COL23A1: variants seen among roughly 807,000 people sequenced by gnomAD.
COL23A1 encodes collagen alpha-1(XXIII) chain.
A neutral mutation model predicts 99.3 loss-of-function variants in COL23A1; 97 were observed. The observed-to-expected ratio is 0.98, with a 90% CI of 0.83 to 1.16. COL23A1 has a LOEUF of 1.16. COL23A1 is among the 50% of genes most tolerant of loss of function. The pLI is 0.00. For synonymous variants in COL23A1, 320 were observed against 308.2 expected (o/e 1.04, Z -0.40); for missense variants, 762 against 757.4 (o/e 1.01, Z -0.07).
rs1760328017 is a variant in COL23A1 at position 178,336,525 on chromosome 5, G to C, written c.362-29606C>G. Among the ~76,000 whole-genome samples, 3 of 152,234 alleles carry C rather than the reference G, an allele frequency of 2.0e-5. No homozygotes were observed. The South Asian group carries it at 6.2e-4, about 31-fold the overall frequency. On this transcript the variant is annotated intron_variant, in intron 2 of 28. Transcript: ENST00000390654. ...TTGTGTGATTCCATTTATATGAAAA[G>C]TACAGAATACGTCAACCAGAGATAG...
At chr5:178,499,067 G>A (rs1315934043) in intron 2 of COL23A1, among the ~76,000 whole-genome samples, 1 of 152,190 alleles carries the variant, frequency 6.6e-6, no homozygotes, top group African/African-American at 2.4e-5. Flanking sequence ...TCCAGCCTCA[G>A]TGACAGAGTG....
At chr5:178,358,697 A>ATGTGTATG (rs757760082) in intron 2 of COL23A1, among the ~76,000 whole-genome samples, 1 of 113,882 alleles carries the variant, frequency 8.8e-6, no homozygotes, top group Admixed American at 9.2e-5. Context: ...GTGTGTATGT[A>ATGTGTATG]TGTGTATGTG....
intron 2 of COL23A1, among the ~76,000 whole-genome samples, chr5:178,386,276 TA>T (rs1763667086): frequency 2.0e-5 from 3 of 152,010 alleles, no homozygotes; most frequent in Admixed American, 2.0e-4. Context: ...CCGTATCTAC[TA>T]AAATACAAAA....
In COL23A1 at chr5:178,246,264, T is replaced by C. The variant is rs1244220669; in HGVS notation, c.1403A>G (p.Lys468Arg). The change falls in exon 24 of 29, where the codon AAA becomes AGA. Residue 468 changes from lysine to arginine, a missense_variant. Transcript: ENST00000390654. ...GAATGAGGCGGTTACCTTCTCTCCT[T>C]TGGTTCCTGGCAGCCCAATAAGGCC... ...PPGLIGLPGT[K>R]GEKGRPGEPG... The C allele has an allele frequency of 5.1e-6, 8 of 1,554,078 alleles. No individual in the cohort carries two copies. Among genetic ancestry groups the C allele is most frequent in the Admixed American group, 2.0e-5 (1 of 51,162 alleles).
chr5:178,501,007 T>C (rs1214288275), intron 2 of COL23A1, among the ~76,000 whole-genome samples: 1 of 152,196 alleles, frequency 6.6e-6, no homozygotes, highest in Non-Finnish European at 1.5e-5. Flanking sequence ...AAAGAACTCT[T>C]ACAAGTCAAT....
chr5:178,435,976 T>C (rs927522890), intron 2 of COL23A1, among the ~76,000 whole-genome samples: 3 of 152,188 alleles, frequency 2.0e-5, no homozygotes, highest in Non-Finnish European at 2.9e-5. Context: ...ACAGCGGTCA[T>C]TACAAGTGCG....
At chr5:178,487,144 G>T (rs1399626762) in intron 2 of COL23A1, among the ~76,000 whole-genome samples, 3 of 151,696 alleles carry the variant, frequency 2.0e-5, no homozygotes, top group Non-Finnish European at 4.4e-5. Context: ...CTCAGTGCCT[G>T]AGTGTTCTGC....
At chr5:178,344,857 T>C in intron 2 of COL23A1, 1 of 749,682 alleles carries the variant, frequency 1.3e-6, no homozygotes, top group South Asian at 1.3e-5. Flanking sequence ...CGGGGCGATC[T>C]GTGTCTGGCA....
At chr5:178,402,829 C>T (rs1764521738) in intron 2 of COL23A1, among the ~76,000 whole-genome samples, 1 of 152,070 alleles carries the variant, frequency 6.6e-6, no homozygotes, top group Non-Finnish European at 1.5e-5. Context: ...CAAATATGTA[C>T]ATCTGTTATG....
At chr5:178,252,896 G>A (rs1365928121) in intron 16 of COL23A1, among the ~76,000 whole-genome samples, 2 of 152,178 alleles carry the variant, frequency 1.3e-5, no homozygotes, top group African/African-American at 4.8e-5. Flanking sequence ...CCCTGCTCAA[G>A]ATCTTGCTTT....
At chr5:178,267,642 T>C (rs1324527342) in intron 7 of COL23A1, among the ~76,000 whole-genome samples, 2 of 152,212 alleles carry the variant, frequency 1.3e-5, no homozygotes, top group African/African-American at 4.8e-5. Context: ...CCTCCCACTG[T>C]GTCCTCTGGA....
At chr5:178,283,536 A>G (rs892491270) in intron 5 of COL23A1, among the ~76,000 whole-genome samples, 3 of 152,208 alleles carry the variant, frequency 2.0e-5, no homozygotes, top group Non-Finnish European at 4.4e-5. Context: ...CTCTCATCAC[A>G]TCCTTGTTTT....
Position 178,533,432 on chromosome 5 carries a change from G to A in COL23A1, c.361+27250C>T, listed in dbSNP as rs574499288. Among the ~76,000 whole-genome samples the A allele has an allele frequency of 4.1e-3, 620 of 152,318 alleles. 7 individuals are homozygous for A. Among genetic ancestry groups the A allele is most frequent in the African/African-American group, 0.014 (585 of 41,562 alleles). On this transcript the variant is annotated intron_variant, in intron 2 of 28. Transcript: ENST00000390654. ...CATGAAGTGGAATGCTACAGTGTGT[G>A]TCTTTGCGACTGGCTTATTTCACTC...
At chr5:178,484,598 C>T (rs1466475362) in intron 2 of COL23A1, among the ~76,000 whole-genome samples, 6 of 151,842 alleles carry the variant, frequency 4.0e-5, no homozygotes, top group African/African-American at 1.2e-4. Context: ...CCGAGGTGGG[C>T]GGATCACGAG....
intron 2 of COL23A1, among the ~76,000 whole-genome samples, chr5:178,489,988 C>T (rs1252860131): frequency 1.3e-5 from 2 of 152,044 alleles, no homozygotes; most frequent in Non-Finnish European, 2.9e-5. Flanking sequence ...AATCCCAGCA[C>T]TTTGGGAGGC....
intron 2 of COL23A1, among the ~76,000 whole-genome samples, chr5:178,386,311 C>T (rs78389608): frequency 0.021 from 3,243 of 152,054 alleles, 114 homozygotes; most frequent in African/African-American, 0.07. Context: ...TGGAAGCATG[C>T]GCCTGTAGTC....
chr5:178,394,621 A>ATT (rs1383536772), intron 2 of COL23A1, among the ~76,000 whole-genome samples: 1 of 152,194 alleles, frequency 6.6e-6, no homozygotes, highest in Non-Finnish European at 1.5e-5. Context: ...CTTAGCTAGC[A>ATT]TTTGGCTGCA....
At chr5:178,345,184 C>T (rs949724797) in intron 2 of COL23A1, 1 of 809,790 alleles carries the variant, frequency 1.2e-6, no homozygotes, top group Non-Finnish European at 2.0e-6. Context: ...TAGTCTCTAA[C>T]TCCAGACTCC....
At chr5:178,388,259 C>G (rs1044944429) in intron 2 of COL23A1, among the ~76,000 whole-genome samples, 2 of 152,206 alleles carry the variant, frequency 1.3e-5, no homozygotes, top group Non-Finnish European at 2.9e-5. Context: ...TCCTGATAAT[C>G]CCACAGCAGA....
Sources: allele counts gnomAD v4.1 joint callset (sites outside exome capture counted in the v4.1 genomes callset), GRCh38; gene constraint gnomAD v4.1.1; transcripts MANE v1.5; gene names NCBI Gene and HGNC (gene_info 2026-07-23, HGNC 2026-07-21).